Variants in STT3B observed in about 807,000 individuals in gnomAD.
The protein encoded by STT3B is dolichyl-diphosphooligosaccharide--protein glycosyltransferase subunit STT3B.
A neutral mutation model predicts 96.8 loss-of-function variants in STT3B; 29 were observed. The ratio of observed to expected loss-of-function variants is 0.30; its 90% CI spans 0.22 to 0.41. The LOEUF is 0.41. Ranked by LOEUF, STT3B falls within the 10% of genes least tolerant of loss-of-function variation. The pLI is 1.00. For missense variants in STT3B, 640 were observed against 1,022.3 expected (o/e 0.63, Z 5.10); for synonymous variants, 367 against 360.0 (o/e 1.02, Z -0.22).
intron 3 of STT3B, among the ~76,000 whole-genome samples, chr3:31,591,264 G>T (rs1698657158): frequency 6.6e-6 from 1 of 151,964 alleles, no homozygotes; most frequent in South Asian, 2.1e-4. Flanking sequence ...AATCTGCTTT[G>T]TTTGATTGAT....
chr3:31,617,793 T>C, intron 7 of STT3B, 147 bp from the exon 8 acceptor site: 1 of 622,084 alleles, frequency 1.6e-6, no homozygotes. Context: ...GCCAACTGTC[T>C]GAAATAGGTT....
In STT3B at chr3:31,622,149, G is replaced by A. The variant is rs1559390333; in HGVS notation, c.1380G>A (p.Leu460=). The change falls in exon 10 of 16, where the codon CTG becomes CTA. Residue 460 remains leucine, a synonymous_variant. Transcript: ENST00000295770. ...ACTTTGCTGGAGTGATGGTGCGACT[G>A]ATGTTGACTTTGACTCCAGTCGTGT... ...AVYFAGVMVR[L]MLTLTPVVCM... is the part of the protein sequence containing the mutation. 6.2e-7 allele frequency: 1 copy of A among 1,614,102 alleles called. No homozygotes were observed. Among genetic ancestry groups the A allele is most frequent in the Non-Finnish European group, 8.5e-7 (1 of 1,179,962 alleles).
chr3:31,577,505 T>G (rs1442318214), intron 2 of STT3B, among the ~76,000 whole-genome samples: 4 of 152,176 alleles, frequency 2.6e-5, no homozygotes, highest in African/African-American at 9.6e-5. Flanking sequence ...TTTTTTGCTT[T>G]GTACTTCAAA....
chr3:31,606,735 T>C (rs1370832050), intron 5 of STT3B, among the ~76,000 whole-genome samples: 1 of 152,110 alleles, frequency 6.6e-6, no homozygotes, highest in Admixed American at 6.5e-5. Flanking sequence ...CCATACAAAG[T>C]CCCCACTGGG....
chr3:31,544,833 G>A (rs1199647261), intron 1 of STT3B, among the ~76,000 whole-genome samples: 1 of 151,956 alleles, frequency 6.6e-6, no homozygotes, highest in Non-Finnish European at 1.5e-5. Context: ...AAAATTAGAC[G>A]GGCTGAGGCA....
rs1039420558 is a variant in STT3B, at chr3:31,636,692, A to G, written c.*628A>G. ...CTCTGAGTAGCTAATTGATTCAAGT[A>G]GTTTTTTTATGTTGACACATTATTA... On this transcript the variant is annotated 3_prime_UTR_variant, in exon 16 of 16. Transcript: ENST00000295770. The G allele has an allele frequency of 6.6e-6, 1 of 152,196 alleles. No individual in the cohort carries two copies. The highest frequency in any genetic ancestry group is 2.1e-4 in the South Asian group (1 of 4,830). The allele number at this position is 152,196 out of a possible 1,614,324, so 9.4% of individuals were successfully genotyped here.
intron 3 of STT3B, among the ~76,000 whole-genome samples, chr3:31,587,874 G>T (rs1026962468): frequency 6.6e-6 from 1 of 152,104 alleles, no homozygotes; most frequent in African/African-American, 2.4e-5. Flanking sequence ...CAAGGATGCT[G>T]AACTTCTATC....
At chr3:31,542,877 G>A (rs964883838) in intron 1 of STT3B, among the ~76,000 whole-genome samples, 1 of 152,030 alleles carries the variant, frequency 6.6e-6, no homozygotes, top group Non-Finnish European at 1.5e-5. Context: ...GACTAGCCTG[G>A]CCAACATGGT....
At chr3:31,570,408 G>C (rs1399897313) in intron 1 of STT3B, among the ~76,000 whole-genome samples, 6 of 152,086 alleles carry the variant, frequency 3.9e-5, no homozygotes, top group Non-Finnish European at 7.4e-5. Context: ...GGGAGGAGGA[G>C]GATGAAACAT....
At chr3:31,534,846 T>C in intron 1 of STT3B, among the ~76,000 whole-genome samples, 1 of 152,186 alleles carries the variant, frequency 6.6e-6, no homozygotes, top group Non-Finnish European at 1.5e-5. Context: ...TAACGTGCAA[T>C]CACAGAAGAA....
intron 1 of STT3B, among the ~76,000 whole-genome samples, chr3:31,572,038 GATATATTAATATATCATATATTA>G (rs1698162875): frequency 2.5e-5 from 1 of 39,832 alleles, no homozygotes; most frequent in South Asian, 1.2e-3. Flanking sequence ...ATTAATATAT[GATATATTAATATATCATATATTA>G]ATATATTAAA....
intron 1 of STT3B, among the ~76,000 whole-genome samples, chr3:31,547,170 C>G (rs1697432811): frequency 6.6e-6 from 1 of 152,070 alleles, no homozygotes; most frequent in South Asian, 2.1e-4. Context: ...AAGTTCAGCC[C>G]CAAGTTCTTT....
intron 1 of STT3B, among the ~76,000 whole-genome samples, chr3:31,537,640 A>G (rs1355760858): frequency 6.6e-6 from 1 of 152,106 alleles, no homozygotes; most frequent in African/African-American, 2.4e-5. Context: ...TTCATATCGT[A>G]AAGGTTAACT....
chr3:31,603,137 C>A (rs1698969497), intron 5 of STT3B, among the ~76,000 whole-genome samples: 1 of 152,064 alleles, frequency 6.6e-6, no homozygotes, highest in South Asian at 2.1e-4. Context: ...ATGTCAGACT[C>A]ATAATTATAT....
At chr3:31,621,661 C>T (rs914478870) in intron 9 of STT3B, among the ~76,000 whole-genome samples, 2 of 152,046 alleles carry the variant, frequency 1.3e-5, no homozygotes, top group Non-Finnish European at 2.9e-5. Context: ...TAATAACTTA[C>T]GTTCTTCTCA....
intron 11 of STT3B, among the ~76,000 whole-genome samples, chr3:31,624,140 ACT>A (rs1377486691): frequency 1.3e-5 from 2 of 151,836 alleles, no homozygotes; most frequent in African/African-American, 4.8e-5. Context: ...ATCAAGTTAC[ACT>A]CTTAGTTATT....
chr3:31,610,184 G>A (rs1038336061), intron 5 of STT3B, among the ~76,000 whole-genome samples: 1 of 152,156 alleles, frequency 6.6e-6, no homozygotes, highest in African/African-American at 2.4e-5. Context: ...ACAGTAACCA[G>A]AAGTGATTAC....
At chr3:31,616,455 CTA>C (rs529834071) in intron 6 of STT3B, among the ~76,000 whole-genome samples, 4 of 151,828 alleles carry the variant, frequency 2.6e-5, no homozygotes, top group Non-Finnish European at 5.9e-5. Flanking sequence ...AGAATCTTGT[CTA>C]AATGTGTAAT....
chr3:31,619,724 A>G lies in STT3B; in HGVS notation c.1221A>G (p.Gln407=), dbSNP rs754086891. ...TTATTGCATCAGTGTCTGAGCATCA[A>G]CCTACGACTTGGGTGTCTTTCTTCT... ...IPIIASVSEH[Q]PTTWVSFFFD... The change falls in exon 9 of 16, where the codon CAA becomes CAG. Residue 407 remains glutamine (Q), a synonymous_variant. Transcript: ENST00000295770. 6 of 1,613,954 alleles carry G rather than the reference A, an allele frequency of 3.7e-6. No homozygotes were observed. Among genetic ancestry groups the G allele is most frequent in the Admixed American group, 3.3e-5 (2 of 60,000 alleles).
Sources: gnomAD v4.1 joint callset for allele counts (sites outside exome capture counted in the v4.1 genomes callset) on GRCh38, gnomAD v4.1.1 for gene constraint, MANE v1.5 for transcripts, NCBI Gene and HGNC (gene_info 2026-07-23, HGNC 2026-07-21) for gene names.